Variants in PPP2R3A observed in about 807,000 individuals in gnomAD.
The protein encoded by PPP2R3A is serine/threonine-protein phosphatase 2A regulatory subunit B'' subunit alpha.
In PPP2R3A, 80 loss-of-function variants were observed where a neutral mutation model predicts 106.9. The ratio of observed to expected loss-of-function variants is 0.75; its 90% CI spans 0.62 to 0.90. The LOEUF (loss-of-function observed/expected upper bound fraction) is 0.90. PPP2R3A is among the 40% of genes least tolerant of loss of function. PPP2R3A has a pLI of 0.00. For synonymous variants in PPP2R3A, 483 were observed against 468.3 expected, an observed-to-expected ratio of 1.03 and a Z score of -0.41; for missense variants, 1,386 against 1,350.4, an observed-to-expected ratio of 1.03 and a Z score of -0.41.
At chr3:136,045,305 G>A (rs1012272742) in intron 4 of PPP2R3A, among the ~76,000 whole-genome samples, 4 of 152,200 alleles carry the variant, frequency 2.6e-5, no homozygotes, top group African/African-American at 9.6e-5. Flanking sequence ...ACCTCAGGGA[G>A]CCAGAGAACT....
intron 4 of PPP2R3A, among the ~76,000 whole-genome samples, chr3:136,048,490 G>C (rs1935552850): frequency 6.6e-6 from 1 of 152,072 alleles, no homozygotes. Flanking sequence ...GGCCAACATG[G>C]TGAAACCCCC....
At chr3:136,039,457 G>A (rs1266903795) in intron 3 of PPP2R3A, among the ~76,000 whole-genome samples, 1 of 152,160 alleles carries the variant, frequency 6.6e-6, no homozygotes, top group African/African-American at 2.4e-5. Flanking sequence ...GTGGAAGACA[G>A]TTTTTCCATG....
intron 3 of PPP2R3A, among the ~76,000 whole-genome samples, chr3:136,028,582 T>C (rs762157468): frequency 1.6e-4 from 24 of 152,238 alleles, no homozygotes; most frequent in Non-Finnish European, 2.1e-4. Flanking sequence ...GGACATGTGG[T>C]AACAGTAACT....
chr3:136,117,965 C>T (rs911284958), intron 13 of PPP2R3A, among the ~76,000 whole-genome samples: 1 of 152,098 alleles, frequency 6.6e-6, no homozygotes, highest in Non-Finnish European at 1.5e-5. Flanking sequence ...AACATCGATG[C>T]GAAAATCCTC....
intron 6 of PPP2R3A, among the ~76,000 whole-genome samples, chr3:136,071,642 T>TTAA (rs146072490): frequency 0.066 from 9,981 of 152,222 alleles, 398 homozygotes; most frequent in African/African-American, 0.11. Context: ...AATTGTCCTT[T>TTAA]TAAAAAATCA....
chr3:136,074,851 T>C (rs906750069), intron 6 of PPP2R3A, among the ~76,000 whole-genome samples: 3 of 152,204 alleles, frequency 2.0e-5, no homozygotes, highest in African/African-American at 7.2e-5. Flanking sequence ...TGAAAACTTT[T>C]CCTCTTAAGA....
intron 13 of PPP2R3A, among the ~76,000 whole-genome samples, chr3:136,110,800 G>A (rs1937580998): frequency 6.6e-6 from 1 of 152,154 alleles, no homozygotes; most frequent in African/African-American, 2.4e-5. Context: ...CTGTACCAAA[G>A]CAGATGGCAA....
Position 136,049,258 on chromosome 3 carries a change from G to A in PPP2R3A, c.2367-1G>A. On this transcript the variant is annotated splice_acceptor_variant, in intron 4 of 13. Coordinates refer to ENST00000264977, the MANE Select transcript of PPP2R3A (RefSeq NM_002718.5). LOFTEE classifies it high-confidence loss of function. ...TTCCTAAGCAGTTGTTTCTTTTATA[G>A]GTTGCTGAATAACCATCATGATGAT... 1 of 1,604,684 alleles carries A rather than the reference G, an allele frequency of 6.2e-7. No individual in the cohort carries two copies. The highest frequency in any genetic ancestry group is 8.5e-7 in the Non-Finnish European group (1 of 1,174,458).
At chr3:136,097,785 C>T (rs1185782016) in intron 10 of PPP2R3A, among the ~76,000 whole-genome samples, 1 of 152,096 alleles carries the variant, frequency 6.6e-6, no homozygotes, top group Non-Finnish European at 1.5e-5. Context: ...GAGGCCACTC[C>T]CCTGCCCCTT....
intron 10 of PPP2R3A, 148 bp downstream of exon 10, chr3:136,090,815 C>T (rs1407791115): frequency 6.6e-6 from 4 of 602,638 alleles, no homozygotes; most frequent in Non-Finnish European, 5.8e-6. Flanking sequence ...CGGAGCTCTC[C>T]GTCTCAGGAG....
rs202037642 is a variant in PPP2R3A, at chr3:136,001,847, A to G, written c.349A>G (p.Ile117Val). Residue 117 changes from isoleucine to valine, a missense_variant, in exon 2 of 14, where the codon ATC becomes GTC. Coordinates refer to ENST00000264977, the MANE Select transcript of PPP2R3A (RefSeq NM_002718.5). Reference protein sequence around the residue: ...YNLKDIAGEAISFASGKIKEF... With the variant: ...YNLKDIAGEAVSFASGKIKEF... Reference sequence around the variant, plus strand: ...CTTAAAGGATATTGCAGGAGAAGCAATCAGTTTTGCCAGTGGGAAAATAAA... The same window carrying G: ...CTTAAAGGATATTGCAGGAGAAGCAGTCAGTTTTGCCAGTGGGAAAATAAA... The G allele has an allele frequency of 3.8e-4, 616 of 1,614,102 alleles. 1 individual carries two copies. The highest frequency in any genetic ancestry group is 2.0e-4 in the Non-Finnish European group (238 of 1,180,056).
chr3:136,053,871 T>C (rs1410853110), intron 5 of PPP2R3A, among the ~76,000 whole-genome samples: 15 of 152,188 alleles, frequency 9.9e-5, no homozygotes. Flanking sequence ...AGGAAAATTA[T>C]ATCAAATTAT....
At chr3:136,140,520 G>A (rs944016109) in intron 13 of PPP2R3A, among the ~76,000 whole-genome samples, 5 of 151,520 alleles carry the variant, frequency 3.3e-5, no homozygotes, top group South Asian at 4.2e-4. Context: ...AGACCGAGGC[G>A]GGCGGATCAC....
intron 2 of PPP2R3A, among the ~76,000 whole-genome samples, chr3:136,014,076 G>T (rs906215725): frequency 1.3e-5 from 2 of 152,172 alleles, no homozygotes; most frequent in Non-Finnish European, 2.9e-5. Flanking sequence ...AGTTATTCCA[G>T]CACTATTTGT....
At chr3:136,125,787 AC>A (rs761844632) in intron 13 of PPP2R3A, among the ~76,000 whole-genome samples, 2 of 152,256 alleles carry the variant, frequency 1.3e-5, no homozygotes, top group Non-Finnish European at 2.9e-5. Context: ...AAGATTATAT[AC>A]CATAACTAAG....
intron 10 of PPP2R3A, among the ~76,000 whole-genome samples, chr3:136,099,934 GAGA>G (rs1937316936): frequency 6.9e-6 from 1 of 145,048 alleles, no homozygotes; most frequent in Non-Finnish European, 1.5e-5. Context: ...AAAAAAAAAA[GAGA>G]AGGAGGGAAA....
intron 2 of PPP2R3A, among the ~76,000 whole-genome samples, chr3:136,012,333 A>G (rs1249663262): frequency 6.6e-6 from 1 of 152,154 alleles, no homozygotes; most frequent in Non-Finnish European, 1.5e-5. Context: ...CTAGAACAAC[A>G]TCTACCCCAA....
At chr3:136,064,287 G>A (rs1311899319) in intron 5 of PPP2R3A, among the ~76,000 whole-genome samples, 2 of 118,490 alleles carry the variant, frequency 1.7e-5, no homozygotes, top group South Asian at 3.4e-4. Context: ...GGAGGGGGGA[G>A]GGATAGCATT....
At chr3:136,088,722 A>T (rs1219835381) in intron 9 of PPP2R3A, among the ~76,000 whole-genome samples, 2 of 152,202 alleles carry the variant, frequency 1.3e-5, no homozygotes, top group Admixed American at 1.3e-4. Context: ...GTGTATAAGT[A>T]TTCCCTTTTC....
Sources: allele counts gnomAD v4.1 joint callset (sites outside exome capture counted in the v4.1 genomes callset), GRCh38; gene constraint gnomAD v4.1.1; transcripts MANE v1.5; gene names NCBI Gene and HGNC (gene_info 2026-07-23, HGNC 2026-07-21).